TMEM132D: variants seen among roughly 807,000 people sequenced by gnomAD.
TMEM132D encodes the protein transmembrane protein 132D.
In TMEM132D, 21 loss-of-function variants were observed where a neutral mutation model predicts 62.3. The ratio of observed to expected loss-of-function variants is 0.34; its 90% CI spans 0.24 to 0.49. The LOEUF (loss-of-function observed/expected upper bound fraction) is 0.49. Ranked by LOEUF, TMEM132D falls within the 20% of genes least tolerant of loss-of-function variation. The pLI, the probability that TMEM132D is intolerant of heterozygous loss-of-function variation, is 0.99. For synonymous variants in TMEM132D, 621 were observed against 575.6 expected, an observed-to-expected ratio of 1.08 and a Z score of -1.13; for missense variants, 1,346 against 1,402.8, an observed-to-expected ratio of 0.96 and a Z score of 0.65.
At position 129,524,665 on chromosome 12, in the gene TMEM132D, G is replaced by A. The variant is rs533672728; in HGVS notation, c.1115+6394C>T. Among the ~76,000 whole-genome samples the A allele has an allele frequency of 9.9e-5, 15 of 152,094 alleles. No individual in the cohort carries two copies. The South Asian group carries it at 2.9e-3, about 29-fold the overall frequency. ...ATATATTTCTAGAACTGTAATTTCA[G>A]GGTCACAGGACGCAGGTTTTAAATC... On this transcript the variant is annotated intron_variant, in intron 3 of 8. Coordinates refer to ENST00000422113, the MANE Select transcript of TMEM132D (RefSeq NM_133448.3).
intron 2 of TMEM132D, among the ~76,000 whole-genome samples, chr12:129,611,618 C>T (rs1878777189): frequency 6.6e-6 from 1 of 152,158 alleles, no homozygotes; most frequent in Non-Finnish European, 1.5e-5. Context: ...GATCCAGGCT[C>T]CCTCTACCTT....
At chr12:129,458,391 G>A (rs74777154) in intron 3 of TMEM132D, among the ~76,000 whole-genome samples, 1 of 129,350 alleles carries the variant, frequency 7.7e-6, no homozygotes, top group African/African-American at 3.0e-5. Context: ...TATCAGAGTG[G>A]GCAGAGGTTT....
intron 1 of TMEM132D, among the ~76,000 whole-genome samples, chr12:129,825,516 G>A (rs1159535506): frequency 6.6e-6 from 1 of 152,052 alleles, no homozygotes; most frequent in Non-Finnish European, 1.5e-5. Context: ...TTGACCCATC[G>A]GTGACGCCAG....
At chr12:129,657,319 AG>A (rs1235900277) in intron 2 of TMEM132D, among the ~76,000 whole-genome samples, 2 of 152,220 alleles carry the variant, frequency 1.3e-5, no homozygotes, top group Non-Finnish European at 1.5e-5. Flanking sequence ...CTGGTAAGTC[AG>A]GGAACAATGG....
intron 4 of TMEM132D, among the ~76,000 whole-genome samples, chr12:129,319,046 A>C (rs1291213252): frequency 1.3e-5 from 2 of 152,104 alleles, no homozygotes; most frequent in Non-Finnish European, 2.9e-5. Context: ...CCTGCCTTCC[A>C]GCTGCGGAAA....
chr12:129,502,477 C>T (rs564866388), intron 3 of TMEM132D, among the ~76,000 whole-genome samples: 17 of 152,132 alleles, frequency 1.1e-4, no homozygotes, highest in African/African-American at 3.1e-4. Flanking sequence ...TAAGCAAATA[C>T]GTATTATTGA....
chr12:129,198,255 G>A lies in TMEM132D; in HGVS notation c.1443+11265C>T, dbSNP rs1207553638. ...TACAGTCATTATGGAGAACCATACG[G>A]AGGTTACTCGAAAAACTAAAATAGA... On this transcript the variant is annotated intron_variant, in intron 5 of 8. Coordinates refer to ENST00000422113, the MANE Select transcript of TMEM132D (RefSeq NM_133448.3). Among the ~76,000 whole-genome samples, 5 of 152,272 alleles carry A rather than the reference G, an allele frequency of 3.3e-5. No individual in the cohort carries two copies. In the South Asian group the frequency reaches 1.0e-3, roughly 32 times the overall value.
intron 4 of TMEM132D, among the ~76,000 whole-genome samples, chr12:129,213,745 C>T (rs1374619939): frequency 6.6e-6 from 1 of 152,098 alleles, no homozygotes; most frequent in Non-Finnish European, 1.5e-5. Context: ...CTGCCCCACG[C>T]CCACTGCCAA....
chr12:129,578,188 C>T (rs1375299495), intron 2 of TMEM132D, among the ~76,000 whole-genome samples: 7 of 152,136 alleles, frequency 4.6e-5, no homozygotes, highest in Admixed American at 4.6e-4. Context: ...CCTTCGGTCT[C>T]AGGCTGGGAG....
chr12:129,833,988 C>T (rs1872924202), intron 1 of TMEM132D, among the ~76,000 whole-genome samples: 1 of 152,178 alleles, frequency 6.6e-6, no homozygotes, highest in Non-Finnish European at 1.5e-5. Context: ...TGACACCCAG[C>T]CTGGTTGGGG....
intron 2 of TMEM132D, among the ~76,000 whole-genome samples, chr12:129,628,450 C>T (rs1015978815): frequency 2.6e-5 from 4 of 152,170 alleles, no homozygotes; most frequent in East Asian, 1.9e-4. Context: ...GTATCAGGGA[C>T]GTGTCTGTAC....
At chr12:129,108,616 C>T (rs12304046) in intron 5 of TMEM132D, among the ~76,000 whole-genome samples, 36,664 of 152,020 alleles carry the variant, frequency 0.24, 4,607 homozygotes, top group African/African-American at 0.3. Flanking sequence ...TCAGACTCTT[C>T]TATCTCCTCT....
At chr12:129,492,728 T>C (rs1340223714) in intron 3 of TMEM132D, among the ~76,000 whole-genome samples, 1 of 152,144 alleles carries the variant, frequency 6.6e-6, no homozygotes, top group Non-Finnish European at 1.5e-5. Context: ...TTTTGGCAAG[T>C]GGGGAGTTTT....
intron 4 of TMEM132D, among the ~76,000 whole-genome samples, chr12:129,314,027 C>G (rs1404962548): frequency 6.6e-6 from 1 of 152,098 alleles, no homozygotes; most frequent in Non-Finnish European, 1.5e-5. Context: ...ATTGTCTATT[C>G]ATGTCCTTAG....
chr12:129,502,166 A>AT (rs1259303997), intron 3 of TMEM132D, among the ~76,000 whole-genome samples: 3 of 151,738 alleles, frequency 2.0e-5, no homozygotes, highest in African/African-American at 7.3e-5. Flanking sequence ...CGCCCGGCTA[A>AT]TTTTTTGTAT....
chr12:129,674,327 T>A (rs1565944597), intron 2 of TMEM132D, among the ~76,000 whole-genome samples: 1 of 152,318 alleles, frequency 6.6e-6, no homozygotes, highest in East Asian at 1.9e-4. Flanking sequence ...CCTTAAAATG[T>A]GGCTCTTCAT....
chr12:129,493,779 G>A (rs1874867787), intron 3 of TMEM132D, among the ~76,000 whole-genome samples: 1 of 152,194 alleles, frequency 6.6e-6, no homozygotes, highest in Non-Finnish European at 1.5e-5. Flanking sequence ...GGGAAGCCAA[G>A]CAGGCAGGCT....
At chr12:129,504,150 C>A (rs1875258655) in intron 3 of TMEM132D, among the ~76,000 whole-genome samples, 1 of 152,122 alleles carries the variant, frequency 6.6e-6, no homozygotes, top group Admixed American at 6.6e-5. Flanking sequence ...TCATCACCGT[C>A]ATCATCATCA....
At chr12:129,192,043 G>T (rs1364743949) in intron 5 of TMEM132D, among the ~76,000 whole-genome samples, 2 of 152,146 alleles carry the variant, frequency 1.3e-5, no homozygotes, top group Non-Finnish European at 2.9e-5. Flanking sequence ...GTCTGAACCT[G>T]GCCCTGTAGA....
Sources: gnomAD v4.1 joint callset for allele counts (sites outside exome capture counted in the v4.1 genomes callset) on GRCh38, gnomAD v4.1.1 for gene constraint, MANE v1.5 for transcripts, NCBI Gene and HGNC (gene_info 2026-07-23, HGNC 2026-07-21) for gene names.